COMMD1: variants seen among roughly 807,000 people sequenced by gnomAD.
COMMD1 encodes copper metabolism domain containing 1.
COMMD1 carries 10 observed loss-of-function variants against 17.2 expected under a neutral mutation model. The ratio of observed to expected loss-of-function variants is 0.58; its 90% CI spans 0.36 to 0.99. The LOEUF is 0.99. COMMD1 is among the 50% of genes least tolerant of loss of function. The pLI is 0.01. For synonymous variants in COMMD1, 97 were observed against 91.6 expected (o/e 1.06, Z -0.34); for missense variants, 270 against 231.8 (o/e 1.17, Z -1.07).
intron 2 of COMMD1, among the ~76,000 whole-genome samples, chr2:62,058,465 T>G (rs1670770674): frequency 6.6e-6 from 1 of 152,176 alleles, no homozygotes; most frequent in Non-Finnish European, 1.5e-5. Flanking sequence ...CACAGTCCTC[T>G]CACTTCAGCC....
chr2:62,072,408 C>T (rs1671221546), intron 2 of COMMD1, among the ~76,000 whole-genome samples: 2 of 152,184 alleles, frequency 1.3e-5, no homozygotes, highest in Admixed American at 6.5e-5. Flanking sequence ...CTCAGCCACA[C>T]ATTGGGACTA....
chr2:61,930,019 G>T (rs962028866), intron 1 of COMMD1, among the ~76,000 whole-genome samples: 2 of 152,024 alleles, frequency 1.3e-5, no homozygotes, highest in Non-Finnish European at 2.9e-5. Context: ...GGGAGGGAAA[G>T]ATATTTTTCC....
chr2:61,900,297 C>A (rs183640412), intron 1 of COMMD1, among the ~76,000 whole-genome samples: 19 of 152,306 alleles, frequency 1.2e-4, no homozygotes, highest in African/African-American at 4.1e-4. Context: ...TGGGGACTTA[C>A]AAGTTACAGG....
chr2:62,061,181 A>G (rs1371310070), intron 2 of COMMD1, among the ~76,000 whole-genome samples: 2 of 152,156 alleles, frequency 1.3e-5, no homozygotes, highest in Admixed American at 1.3e-4. Context: ...TCCGACACCT[A>G]GGTAATTTCA....
chr2:62,102,342 A>G (rs1022721306), intron 2 of COMMD1, among the ~76,000 whole-genome samples: 3 of 152,176 alleles, frequency 2.0e-5, no homozygotes, highest in Non-Finnish European at 4.4e-5. Context: ...TTCTTATGAA[A>G]ATCCTAGTAC....
chr2:61,988,699 C>T (rs748895755), intron 1 of COMMD1, among the ~76,000 whole-genome samples: 13 of 152,122 alleles, frequency 8.5e-5, no homozygotes, highest in Middle Eastern at 3.2e-3. Context: ...CCCCTGAGTC[C>T]GCTGGCTCTG....
At chr2:61,932,832 T>G (rs1449904127) in intron 1 of COMMD1, among the ~76,000 whole-genome samples, 1 of 152,204 alleles carries the variant, frequency 6.6e-6, no homozygotes, top group Non-Finnish European at 1.5e-5. Flanking sequence ...GAGTAGGTTC[T>G]GTGTGGACCC....
At chr2:61,972,502 A>C (rs868457043) in intron 1 of COMMD1, among the ~76,000 whole-genome samples, 5 of 152,332 alleles carry the variant, frequency 3.3e-5, no homozygotes, top group African/African-American at 1.2e-4. Context: ...GGAAAAAAGC[A>C]ATTTTACAGC....
At chr2:61,958,194 G>T (rs564698002) in intron 1 of COMMD1, among the ~76,000 whole-genome samples, 1 of 151,542 alleles carries the variant, frequency 6.6e-6, no homozygotes, top group East Asian at 1.9e-4. Context: ...TCTACCCTCT[G>T]ACAGGCCCCA....
In COMMD1 at chr2:62,025,532, T is replaced by TA. The variant is rs567601525; in HGVS notation, c.462+24558dup. On this transcript the variant is annotated intron_variant, in intron 2 of 2. Transcript: ENST00000311832. ...GGAACAGAGCAAGGCCCTGTCTCTT[T>TA]AAAAAAAACAAACAAAATCAAACAA... 3.4e-3 allele frequency among the ~76,000 whole-genome samples: 519 copies of TA among 151,774 alleles called. 1 individual carries two copies. The highest frequency in any genetic ancestry group is 0.015 in the South Asian group (70 of 4,780).
intron 1 of COMMD1, among the ~76,000 whole-genome samples, chr2:61,980,031 G>C (rs1174455276): frequency 2.3e-5 from 1 of 42,948 alleles, no homozygotes; most frequent in Admixed American, 2.7e-4. Context: ...AGTTTACTGA[G>C]AATGATGGTT....
At chr2:62,063,942 G>A (rs1302808540) in intron 2 of COMMD1, among the ~76,000 whole-genome samples, 1 of 139,724 alleles carries the variant, frequency 7.2e-6, no homozygotes, top group Admixed American at 7.4e-5. Flanking sequence ...AGCTACTCAG[G>A]AGGCTGAGGT....
chr2:62,078,081 C>G (rs1671398476), intron 2 of COMMD1, among the ~76,000 whole-genome samples: 1 of 151,628 alleles, frequency 6.6e-6, no homozygotes, highest in Admixed American at 6.6e-5. Context: ...CGAGACTATC[C>G]TGACTAACAC....
chr2:61,959,632 A>G lies in COMMD1; in HGVS notation c.181-41069A>G, dbSNP rs946428064. Among the ~76,000 whole-genome samples the G allele has an allele frequency of 2.0e-5, 3 of 152,340 alleles. No individual in the cohort carries two copies. The East Asian group carries it at 5.8e-4, about 29-fold the overall frequency. On this transcript the variant is annotated intron_variant, in intron 1 of 2. Coordinates refer to ENST00000311832, the MANE Select transcript of COMMD1 (RefSeq NM_152516.4). ...AAAAGCTCTATTACTGAATTGGCTA[A>G]TTGCTTCATGGCTGTGACATATTAC...
intron 2 of COMMD1, among the ~76,000 whole-genome samples, chr2:62,056,316 C>G (rs546285640): frequency 6.6e-6 from 1 of 152,328 alleles, no homozygotes; most frequent in South Asian, 2.1e-4. Context: ...GCAGAGCACA[C>G]ACATCTTCTC....
intron 1 of COMMD1, among the ~76,000 whole-genome samples, chr2:61,906,065 G>C (rs1036120134): frequency 1.3e-5 from 2 of 152,178 alleles, no homozygotes; most frequent in Non-Finnish European, 2.9e-5. Flanking sequence ...TTTTTCTGCT[G>C]AAGTTCCCAG....
chr2:61,946,071 G>A (rs559828903), intron 1 of COMMD1, among the ~76,000 whole-genome samples: 1 of 152,292 alleles, frequency 6.6e-6, no homozygotes, highest in East Asian at 1.9e-4. Context: ...GGCCAAGGAA[G>A]GAGTGTATTC....
At chr2:61,896,148 A>G (rs1235493987) in intron 1 of COMMD1, among the ~76,000 whole-genome samples, 1 of 152,236 alleles carries the variant, frequency 6.6e-6, no homozygotes, top group African/African-American at 2.4e-5. Flanking sequence ...ACATGACACC[A>G]TCAAAGGAAA....
At chr2:61,894,703 A>C (rs1027361985) in intron 1 of COMMD1, among the ~76,000 whole-genome samples, 2 of 150,746 alleles carry the variant, frequency 1.3e-5, no homozygotes, top group Admixed American at 1.3e-4. Context: ...ATTAAAAAAA[A>C]AATTTTTTTT....
Sources: allele counts gnomAD v4.1 joint callset (sites outside exome capture counted in the v4.1 genomes callset), GRCh38; gene constraint gnomAD v4.1.1; transcripts MANE v1.5; gene names NCBI Gene and HGNC (gene_info 2026-07-23, HGNC 2026-07-21).